PRRC2C: variants seen among roughly 807,000 people sequenced by gnomAD.
PRRC2C encodes the protein protein PRRC2C.
In PRRC2C, 72 loss-of-function variants were observed where a neutral mutation model predicts 317.2. The observed-to-expected ratio is 0.23, with a 90% CI of 0.19 to 0.28. The LOEUF (loss-of-function observed/expected upper bound fraction) is 0.28, where lower values mean the gene tolerates loss of function less well. PRRC2C is among the 10% of genes least tolerant of loss of function. The pLI is 1.00. For synonymous variants in PRRC2C, 1,296 were observed against 1,205.9 expected, an observed-to-expected ratio of 1.07 and a Z score of -1.55; for missense variants, 3,074 against 3,459.7, an observed-to-expected ratio of 0.89 and a Z score of 2.80.
intron 24 of PRRC2C, among the ~76,000 whole-genome samples, chr1:171,572,177 A>T (rs1459924147): frequency 6.6e-6 from 1 of 151,948 alleles, no homozygotes; most frequent in Admixed American, 6.6e-5. Flanking sequence ...TTAAATAGAG[A>T]TGGGGTTTTG....
In PRRC2C at chr1:171,540,348, C is replaced by G; in HGVS notation, c.2882C>G (p.Pro961Arg). The change falls in exon 16 of 35, where the codon CCA becomes CGA. Residue 961 changes from proline (P) to arginine (R), a missense_variant. By Grantham distance (103) the Pro-to-Arg change is moderately radical. Coordinates refer to ENST00000647382, the MANE Select transcript of PRRC2C (RefSeq NM_001387844.1). ...AGCAGATGCATTGATTCAAAAGAACCAATAGAAAGGCCAGAGGAGAAACCA... is the reference window on the plus strand; with the variant it reads ...AGCAGATGCATTGATTCAAAAGAACGAATAGAAAGGCCAGAGGAGAAACCA... ...VTSRCIDSKE[P>R]IERPEEKPKK... is the part of the protein sequence containing the mutation. The G allele has an allele frequency of 6.2e-7, 1 of 1,612,902 alleles. No individual in the cohort carries two copies. The highest frequency in any genetic ancestry group is 8.5e-7 in the Non-Finnish European group (1 of 1,179,598).
At chr1:171,520,466 T>A (rs1673344363) in intron 6 of PRRC2C, among the ~76,000 whole-genome samples, 1 of 152,228 alleles carries the variant, frequency 6.6e-6, no homozygotes, top group African/African-American at 2.4e-5. Context: ...TTGAATAAAG[T>A]GTTCCACTAA....
In PRRC2C at chr1:171,593,399, T is replaced by C. The variant is rs1428879741; in HGVS notation, c.*1552T>C. On this transcript the variant is annotated 3_prime_UTR_variant, in exon 35 of 35. Transcript: ENST00000647382. Reference sequence around the variant, plus strand: ...TAACAGCCATATTGGTCTAGAAACGTTAAACTTAATTTTTTTCCATTTGTA... The same window carrying C: ...TAACAGCCATATTGGTCTAGAAACGCTAAACTTAATTTTTTTCCATTTGTA... The C allele has an allele frequency of 6.6e-6, 1 of 151,956 alleles. No individual in the cohort carries two copies. Among genetic ancestry groups the C allele is most frequent in the African/African-American group, 2.4e-5 (1 of 41,412 alleles). The allele number at this position is 151,956 out of a possible 1,614,324, so 9.4% of individuals were successfully genotyped here. A position where few individuals can be genotyped will look rare whatever the true frequency, so the allele number is the denominator to read the frequency against.
chr1:171,514,496 A>G, intron 3 of PRRC2C, 40 bp from the exon 4 acceptor site: 1 of 1,419,568 alleles, frequency 7.0e-7, no homozygotes, highest in East Asian at 2.5e-5. Flanking sequence ...TTATTTAAAC[A>G]TACAGTATCT....
chr1:171,568,342 A>G lies in PRRC2C; in HGVS notation c.6651+3A>G, dbSNP rs1428749863. Reference sequence around the variant, plus strand: ...TGGAGGATACTTTGGTTAATAATGTAAGTAATCAGTTTGAGATGTGGCAAG... The same window carrying G: ...TGGAGGATACTTTGGTTAATAATGTGAGTAATCAGTTTGAGATGTGGCAAG... On this transcript the variant is annotated splice_donor_region_variant and intron_variant, in intron 23 of 34. Transcript: ENST00000647382. The G allele has an allele frequency of 1.3e-6, 2 of 1,593,882 alleles. No homozygotes were observed. Among genetic ancestry groups the G allele is most frequent in the Non-Finnish European group, 1.7e-6 (2 of 1,168,626 alleles).
intron 30 of PRRC2C, among the ~76,000 whole-genome samples, chr1:171,586,259 A>T (rs554930679): frequency 1.4e-3 from 210 of 146,324 alleles, no homozygotes; most frequent in Middle Eastern, 3.4e-3. Flanking sequence ...TTATTTATTT[A>T]TTTTTTTTTT....
intron 34 of PRRC2C, among the ~76,000 whole-genome samples, 185 bp downstream of exon 34, chr1:171,589,790 T>TTTTTTCTTTTTGTTTC (rs1266508649): frequency 6.6e-6 from 1 of 152,036 alleles, no homozygotes; most frequent in African/African-American, 2.4e-5. Context: ...CTTTCATCTT[T>TTTTTTCTTTTTGTTTC]TTTTTCTTTT....
chr1:171,513,588 T>C (rs1352844878), intron 3 of PRRC2C: 1 of 359,512 alleles, frequency 2.8e-6, no homozygotes, highest in African/African-American at 2.1e-5. Flanking sequence ...AAGTAATAAT[T>C]TGTATATACT....
At chr1:171,518,404 A>G (rs966524700) in intron 6 of PRRC2C, among the ~76,000 whole-genome samples, 2 of 151,634 alleles carry the variant, frequency 1.3e-5, no homozygotes, top group Non-Finnish European at 2.9e-5. Context: ...TGGTTCATGG[A>G]AAAAATGATA....
chr1:171,528,466 T>A (rs1444851475), intron 11 of PRRC2C, among the ~76,000 whole-genome samples: 1 of 150,818 alleles, frequency 6.6e-6, no homozygotes, highest in African/African-American at 2.4e-5. Flanking sequence ...TTTTTTGTGT[T>A]TTTTTTAGTA....
At chr1:171,543,512 A>C (rs1040931945) in intron 16 of PRRC2C, among the ~76,000 whole-genome samples, 1 of 152,182 alleles carries the variant, frequency 6.6e-6, no homozygotes, top group Non-Finnish European at 1.5e-5. Flanking sequence ...TAATGTGTGA[A>C]GATACTAAGA....
chr1:171,533,514 C>T (rs1446482121), intron 12 of PRRC2C, among the ~76,000 whole-genome samples: 1 of 152,128 alleles, frequency 6.6e-6, no homozygotes, highest in African/African-American at 2.4e-5. Flanking sequence ...CTTTTTTGTT[C>T]TTCTCCGAGT....
Position 171,540,281 on chromosome 1 carries a change from G to A in PRRC2C, c.2815G>A (p.Glu939Lys), listed in dbSNP as rs756331239. 1.9e-6 allele frequency: 3 copies of A among 1,613,720 alleles called. No individual in the cohort carries two copies. Among genetic ancestry groups the A allele is most frequent in the South Asian group, 1.1e-5 (1 of 90,988 alleles). ...HGSNHTQKPD[E>K]QRSEPSAGIP... is the part of the protein sequence containing the mutation. ...ATCTAACCATACGCAAAAACCAGAC[G>A]AGCAGAGAAGTGAACCATCTGCAGG... The change falls in exon 16 of 35, where the codon GAG (glutamate) becomes AAG (lysine). Residue 939 changes from glutamate to lysine, a missense_variant. Glu to Lys is a moderately conservative substitution (Grantham distance 56, BLOSUM62 1). This residue lies in a region of PRRC2C where 1,320 missense variants were observed against 1,395.7 expected (regional missense o/e 0.95). Transcript: ENST00000647382.
chr1:171,514,913 C>G (rs1672055380), intron 4 of PRRC2C, among the ~76,000 whole-genome samples: 1 of 152,230 alleles, frequency 6.6e-6, no homozygotes, highest in Non-Finnish European at 1.5e-5. Context: ...CTCTGCATAT[C>G]CAAGCAAAGC....
intron 20 of PRRC2C, 140 bp from the exon 21 acceptor site, chr1:171,566,093 T>C (rs1045015884): frequency 1.5e-6 from 1 of 675,836 alleles, no homozygotes; most frequent in African/African-American, 1.8e-5. Context: ...AAAATTATCC[T>C]AAAATATAAT....
In PRRC2C at chr1:171,574,984, C is replaced by G. The variant is rs1685448740; in HGVS notation, c.6811C>G (p.Pro2271Ala). 1.2e-6 allele frequency: 2 copies of G among 1,613,890 alleles called. No homozygotes were observed. The highest frequency in any genetic ancestry group is 2.2e-5 in the South Asian group (2 of 91,062). ...NSPNVREKGS[P>A]VTSTAPPIAT... ...TCCAAATGTAAGGGAAAAGGGGTCT[C>G]CAGTAACTTCCACAGCACCTCCAAT... Residue 2271 changes from proline (P) to alanine (A), a missense_variant, in exon 25 of 35, where the codon CCA (proline) becomes GCA (alanine). By Grantham distance (27) the Pro-to-Ala change is conservative. Transcript: ENST00000647382.
chr1:171,517,485 T>C (rs776309894), intron 5 of PRRC2C, 106 bp from the exon 6 acceptor site: 3 of 1,056,456 alleles, frequency 2.8e-6, no homozygotes, highest in African/African-American at 1.6e-5. Context: ...TTTCCTGCTC[T>C]TTCACTCTGC....
In PRRC2C at chr1:171,549,974, C is replaced by G. The variant is rs111700233; in HGVS notation, c.4973-112C>G. 1,107 of 789,434 alleles carry G rather than the reference C, an allele frequency of 1.4e-3. 7 individuals are homozygous for G. In the African/African-American group the frequency reaches 0.018, roughly 13 times the overall value. 48.9% of individuals were successfully genotyped at this position (789,434 alleles called of 1,614,324 possible). On this transcript the variant is annotated intron_variant, in intron 17 of 34. Coordinates refer to ENST00000647382, the MANE Select transcript of PRRC2C (RefSeq NM_001387844.1). ...GGTTATACACTATAAGTTATAGGAACTAGGCCTTTGGCTAGTTTTTTTTTT... is the reference window on the plus strand; with the variant it reads ...GGTTATACACTATAAGTTATAGGAAGTAGGCCTTTGGCTAGTTTTTTTTTT...
At chr1:171,574,667 T>G (rs1017766670) in intron 24 of PRRC2C, among the ~76,000 whole-genome samples, 1 of 152,184 alleles carries the variant, frequency 6.6e-6, no homozygotes, top group African/African-American at 2.4e-5. Flanking sequence ...CCTTTCCTTA[T>G]TCACTGGTAG....
Sources: allele counts gnomAD v4.1 joint callset (sites outside exome capture counted in the v4.1 genomes callset), GRCh38; gene constraint gnomAD v4.1.1; regional missense constraint gnomAD v4.1.1; transcripts MANE v1.5; gene names NCBI Gene and HGNC (gene_info 2026-07-23, HGNC 2026-07-21).